Variants in GALNT14 observed in about 807,000 individuals in gnomAD.
The protein encoded by GALNT14 is polypeptide N-acetylgalactosaminyltransferase 14.
A neutral mutation model predicts 77.5 loss-of-function variants in GALNT14; 60 were observed. The ratio of observed to expected loss-of-function variants is 0.77; its 90% CI spans 0.63 to 0.96. The LOEUF is 0.96. Among genes scored for constraint, GALNT14 ranks in the 40% least tolerant of loss-of-function variants. The pLI, the probability that GALNT14 is intolerant of heterozygous loss-of-function variation, is 0.00. For missense variants in GALNT14, 710 were observed against 731.0 expected, an observed-to-expected ratio of 0.97 and a Z score of 0.33; for synonymous variants, 280 against 281.7, an observed-to-expected ratio of 0.99 and a Z score of 0.06.
chr2:30,897,637 G>A, the GALNT14 span, among the ~76,000 whole-genome samples: 1 of 152,188 alleles, frequency 6.6e-6, no homozygotes, highest in Non-Finnish European at 1.5e-5. Context: ...GGTGTCTCCT[G>A]CCGTTTTCTT....
intron 1 of GALNT14, among the ~76,000 whole-genome samples, chr2:31,133,385 T>C (rs1679080096): frequency 6.6e-6 from 1 of 152,210 alleles, no homozygotes; most frequent in Non-Finnish European, 1.5e-5. Context: ...AGAAATTATC[T>C]ACTAAATGAG....
intron 1 of GALNT14, among the ~76,000 whole-genome samples, chr2:31,075,187 G>C (rs971801628): frequency 4.1e-4 from 63 of 152,202 alleles, no homozygotes; most frequent in African/African-American, 1.5e-3. Flanking sequence ...CACGTGAGAT[G>C]CCTGCTTCCC....
At chr2:30,979,962 C>T (rs540327663) in intron 2 of GALNT14, among the ~76,000 whole-genome samples, 1 of 152,360 alleles carries the variant, frequency 6.6e-6, no homozygotes, top group African/African-American at 2.4e-5. Context: ...TCCCCAGTAT[C>T]TTTCAAGCAC....
chr2:30,916,204 A>G (rs1217846325), intron 13 of GALNT14, among the ~76,000 whole-genome samples: 1 of 152,250 alleles, frequency 6.6e-6, no homozygotes, highest in Non-Finnish European at 1.5e-5. Flanking sequence ...ATGTCTTTAG[A>G]TGAATGCACA....
chr2:30,895,371 A>T, the GALNT14 span, among the ~76,000 whole-genome samples: 1 of 152,178 alleles, frequency 6.6e-6, no homozygotes, highest in African/African-American at 2.4e-5. Context: ...ACACGGAGAC[A>T]CAAAGTGTTC....
chr2:30,988,420 G>A (rs921345432), intron 2 of GALNT14, among the ~76,000 whole-genome samples: 1 of 152,222 alleles, frequency 6.6e-6, no homozygotes, highest in Non-Finnish European at 1.5e-5. Flanking sequence ...CTCGGTAGAG[G>A]TGATGCCAAT....
intron 1 of GALNT14, among the ~76,000 whole-genome samples, chr2:31,110,329 A>G (rs1171133368): frequency 6.6e-6 from 1 of 152,168 alleles, no homozygotes; most frequent in African/African-American, 2.4e-5. Flanking sequence ...ACCTGTAGAC[A>G]ATGAGTGATT....
chr2:31,009,236 G>T (rs8179600), intron 1 of GALNT14, among the ~76,000 whole-genome samples: 35,914 of 152,086 alleles, frequency 0.24, 4,509 homozygotes, highest in East Asian at 0.4. Context: ...GGCACCTACT[G>T]GATGCTCAGC....
intron 2 of GALNT14, among the ~76,000 whole-genome samples, chr2:30,987,892 T>C (rs1407915315): frequency 2.6e-5 from 4 of 152,158 alleles, no homozygotes; most frequent in African/African-American, 9.7e-5. Context: ...CAGAATCCAA[T>C]TACTGTGGTA....
intron 9 of GALNT14, among the ~76,000 whole-genome samples, chr2:30,933,925 G>T (rs543033345): frequency 6.6e-6 from 1 of 152,348 alleles, no homozygotes; most frequent in South Asian, 2.1e-4. Flanking sequence ...GTGATTGAAA[G>T]ATCAGCAGGA....
In GALNT14 at chr2:31,138,393, T is replaced by TGCCGCCGCCGCCGCC. The variant is rs547052626; in HGVS notation, c.-322_-308dup. On this transcript the variant is annotated 5_prime_UTR_variant, in exon 1 of 15. Coordinates refer to ENST00000349752, the MANE Select transcript of GALNT14 (RefSeq NM_024572.4). ...ATGTTCCCCACGCCGCCACCGCGGC[T>TGCCGCCGCCGCCGCC]GCCGCCGCCGCCGCCGCCGCCTTGC... 15 of 341,144 alleles carry TGCCGCCGCCGCCGCC rather than the reference T, an allele frequency of 4.4e-5. No individual in the cohort carries two copies. The highest frequency in any genetic ancestry group is 1.5e-4 in the Admixed American group (3 of 19,366). The allele number at this position is 341,144 out of a possible 1,614,324, so 21.1% of individuals were successfully genotyped here. A position where few individuals can be genotyped will look rare whatever the true frequency, so the allele number is the denominator to read the frequency against.
intron 2 of GALNT14, among the ~76,000 whole-genome samples, chr2:30,979,556 G>C (rs549249848): frequency 1.3e-5 from 2 of 152,296 alleles, no homozygotes; most frequent in East Asian, 1.9e-4. Flanking sequence ...GTCAGGAGGG[G>C]AGAGCAGTTT....
chr2:31,034,796 T>C (rs1672612229), intron 1 of GALNT14, among the ~76,000 whole-genome samples: 1 of 152,236 alleles, frequency 6.6e-6, no homozygotes, highest in Non-Finnish European at 1.5e-5. Flanking sequence ...TGTTGTGTTT[T>C]TGTTTTTGTT....
intron 11 of GALNT14, among the ~76,000 whole-genome samples, chr2:30,928,811 T>G (rs1351008948): frequency 6.6e-6 from 1 of 152,080 alleles, no homozygotes; most frequent in East Asian, 1.9e-4. Context: ...GAGTTGGGGT[T>G]TCACCATATT....
chr2:31,076,289 A>T (rs575299566), intron 1 of GALNT14, among the ~76,000 whole-genome samples: 1 of 152,178 alleles, frequency 6.6e-6, no homozygotes, highest in African/African-American at 2.4e-5. Flanking sequence ...TCTCTGTACG[A>T]AGAAACTAAG....
chr2:31,061,703 C>G (rs1179709878), intron 1 of GALNT14, among the ~76,000 whole-genome samples: 1 of 152,144 alleles, frequency 6.6e-6, no homozygotes. Context: ...CACTGTGCAA[C>G]CTCAAGAAAA....
At chr2:31,001,153 T>C (rs1262641679) in intron 1 of GALNT14, among the ~76,000 whole-genome samples, 1 of 152,138 alleles carries the variant, frequency 6.6e-6, no homozygotes, top group Non-Finnish European at 1.5e-5. Context: ...GGCTACCTGA[T>C]ACCCCTCAGA....
chr2:30,915,049 T>A (rs555724589), intron 13 of GALNT14, among the ~76,000 whole-genome samples: 1 of 152,370 alleles, frequency 6.6e-6, no homozygotes, highest in East Asian at 1.9e-4. Context: ...ATTTCAAAAA[T>A]GAATCCTGCC....
chr2:31,070,056 A>T (rs1675254028), intron 1 of GALNT14, among the ~76,000 whole-genome samples: 1 of 152,170 alleles, frequency 6.6e-6, no homozygotes, highest in Non-Finnish European at 1.5e-5. Flanking sequence ...CCCATGGAGC[A>T]TCCTCCAAGT....
Sources: gnomAD v4.1 joint callset for allele counts (sites outside exome capture counted in the v4.1 genomes callset) on GRCh38, gnomAD v4.1.1 for gene constraint, MANE v1.5 for transcripts, NCBI Gene and HGNC (gene_info 2026-07-23, HGNC 2026-07-21) for gene names.